Variants in ZNF230 observed in about 807,000 individuals in gnomAD.
The protein encoded by ZNF230 is zinc finger protein 230.
In ZNF230, 12 loss-of-function variants were observed where a neutral mutation model predicts 10.0. The ratio of observed to expected loss-of-function variants is 1.20; its 90% CI spans 0.77 to 1.95. The LOEUF (loss-of-function observed/expected upper bound fraction) is 1.95, where lower values mean the gene tolerates loss of function less well. Ranked by LOEUF, ZNF230 falls within the 30% of genes most tolerant of loss-of-function variation. The pLI, the probability that ZNF230 is intolerant of heterozygous loss-of-function variation, is 0.00. For missense variants in ZNF230, 532 were observed against 565.8 expected (o/e 0.94, Z 0.61); for synonymous variants, 174 against 193.6 (o/e 0.90, Z 0.84).
Position 44,012,326 on chromosome 19 carries a change from AAG to A in ZNF230, c.*865_*866del, listed in dbSNP as rs948449584. ...GTTCACAAAGGGGCAAAACATTAAAAAGAGGCATATGGTAAGCACTTCAGTGT... is the reference window on the plus strand; with the variant it reads ...GTTCACAAAGGGGCAAAACATTAAAAAGGCATATGGTAAGCACTTCAGTGT... On this transcript the variant is annotated 3_prime_UTR_variant, in exon 5 of 5. Transcript: ENST00000429154. The A allele has an allele frequency of 2.0e-6, 1 of 500,960 alleles. No individual in the cohort carries two copies. The highest frequency in any genetic ancestry group is 4.0e-6 in the Non-Finnish European group (1 of 251,650). The allele number at this position is 500,960 out of a possible 1,614,324, so 31.0% of individuals were successfully genotyped here.
chr19:44,009,065 T>G lies in ZNF230; in HGVS notation c.143-19T>G, dbSNP rs1345278451. The G allele has an allele frequency of 1.1e-5, 17 of 1,613,558 alleles. No individual in the cohort carries two copies. The highest frequency in any genetic ancestry group is 1.3e-5 in the African/African-American group (1 of 75,018). On this transcript the variant is annotated intron_variant, in intron 3 of 4. Coordinates refer to ENST00000429154, the MANE Select transcript of ZNF230 (RefSeq NM_006300.4). ...CTAGAATGAATTGGTATTAAGCACA[T>G]GACTTTGCATGTTCACAGGGCATCA...
Position 44,006,999 on chromosome 19 carries a change from G to A in ZNF230, c.-68-12G>A. On this transcript the variant is annotated splice_polypyrimidine_tract_variant and intron_variant, in intron 1 of 4. Transcript: ENST00000429154. ...TTCATGTCTCTCTTTTGCTGTCTCT[G>A]GCATTTTCCAGGCACAATTCCACCT... 8.0e-7 allele frequency: 1 copy of A among 1,256,912 alleles called. No individual in the cohort carries two copies. Among genetic ancestry groups the A allele is most frequent in the Non-Finnish European group, 1.2e-6 (1 of 868,736 alleles). The allele number at this position is 1,256,912 out of a possible 1,614,324, so 77.9% of individuals were successfully genotyped here. A position where few individuals can be genotyped will look rare whatever the true frequency, so the allele number is the denominator to read the frequency against.
In ZNF230 at chr19:44,010,611, T is replaced by C. The variant is rs1568497940; in HGVS notation, c.572T>C (p.Leu191Ser). The C allele has an allele frequency of 6.2e-7, 1 of 1,614,228 alleles. No homozygotes were observed. The highest frequency in any genetic ancestry group is 1.7e-5 in the Admixed American group (1 of 60,028). The change falls in exon 5 of 5, where the codon TTG becomes TCG. Residue 191 changes from leucine (L) to serine (S), a missense_variant. By Grantham distance (145) the Leu-to-Ser change is moderately radical (BLOSUM62 -2). Coordinates refer to ENST00000429154, the MANE Select transcript of ZNF230 (RefSeq NM_006300.4). ...SALRIHQRVH[L>S]REKLSKCDMR... ...CTTCGTATTCACCAGAGAGTTCACT[T>C]GAGAGAGAAACTCTCTAAGTGTGAC... is the stretch of plus-strand genomic sequence containing the variant.
Position 44,006,887 on chromosome 19 carries a change from GCA to G in ZNF230, c.-68-121_-68-120del, listed in dbSNP as rs1336029600. 5.3e-5 allele frequency: 24 copies of G among 450,766 alleles called. No homozygotes were observed. In the East Asian group the frequency reaches 6.5e-4, roughly 12 times the overall value. The allele number at this position is 450,766 out of a possible 1,614,324, so 27.9% of individuals were successfully genotyped here. A position where few individuals can be genotyped will look rare whatever the true frequency, so the allele number is the denominator to read the frequency against. On this transcript the variant is annotated intron_variant, in intron 1 of 4. Transcript: ENST00000429154. ...ACCCAGAGGAAGGCATTTTGGTTGT[GCA>G]CAGTTTTGGGGTTAGTATGAATAAT...
At position 44,009,073 on chromosome 19, in the gene ZNF230, C is replaced by T. The variant is rs768127998; in HGVS notation, c.143-11C>T. 6.2e-7 allele frequency: 1 copy of T among 1,613,606 alleles called. No individual in the cohort carries two copies. Among genetic ancestry groups the T allele is most frequent in the East Asian group, 2.2e-5 (1 of 44,882 alleles). On this transcript the variant is annotated splice_polypyrimidine_tract_variant and intron_variant, in intron 3 of 4. Transcript: ENST00000429154. ...AATTGGTATTAAGCACATGACTTTG[C>T]ATGTTCACAGGGCATCAACCATTCC...
Position 44,009,684 on chromosome 19 carries a change from C to T in ZNF230, c.229+514C>T, listed in dbSNP as rs929043096. On this transcript the variant is annotated intron_variant, in intron 4 of 4. Coordinates refer to ENST00000429154, the MANE Select transcript of ZNF230 (RefSeq NM_006300.4). ...AGGACGGTCTCCCACCCCTCACCCT[C>T]GAAAGGAGTGGCCAGCCACAACCCT... Among the ~76,000 whole-genome samples, 4 of 152,292 alleles carry T rather than the reference C, an allele frequency of 2.6e-5. No homozygotes were observed. The East Asian group carries it at 5.8e-4, about 22-fold the overall frequency.
At chr19:44,007,492 C>T (rs1167628376) in intron 2 of ZNF230, among the ~76,000 whole-genome samples, 1 of 152,132 alleles carries the variant, frequency 6.6e-6, no homozygotes, top group Non-Finnish European at 1.5e-5. Context: ...CATACTTGTC[C>T]ATCAGATAGT....
In ZNF230 at chr19:44,007,047, G is replaced by C. The variant is rs1976130151; in HGVS notation, c.-32G>C. 1.3e-6 allele frequency: 2 copies of C among 1,584,010 alleles called. No individual in the cohort carries two copies. Among genetic ancestry groups the C allele is most frequent in the Non-Finnish European group, 1.7e-6 (2 of 1,153,828 alleles). ...CCTTCCTTTGTGCTCCATTACTCAA[G>C]ACACTGAAGACTCCAAAAAGTAGTA... On this transcript the variant is annotated 5_prime_UTR_variant, in exon 2 of 5. Coordinates refer to ENST00000429154, the MANE Select transcript of ZNF230 (RefSeq NM_006300.4).
Position 44,011,035 on chromosome 19 carries a change from A to G in ZNF230, c.996A>G (p.Gly332=), listed in dbSNP as rs751216648. ...DLHKHQIIHT[G]QKPYNCKECG... Reference sequence around the variant, plus strand: ...ATAAGCATCAGATAATTCACACAGGACAGAAACCGTACAATTGTAAAGAAT... The same window carrying G: ...ATAAGCATCAGATAATTCACACAGGGCAGAAACCGTACAATTGTAAAGAAT... Residue 332 remains glycine, a synonymous_variant, in exon 5 of 5, where the codon GGA becomes GGG. Transcript: ENST00000429154. 1.4e-5 allele frequency: 22 copies of G among 1,614,080 alleles called. No individual in the cohort carries two copies. The highest frequency in any genetic ancestry group is 1.9e-5 in the Non-Finnish European group (22 of 1,180,024).
In ZNF230 at chr19:44,008,866, A is replaced by G. The variant is rs1158279192; in HGVS notation, c.92A>G (p.Lys31Arg). The change falls in exon 3 of 5, where the codon AAG becomes AGG. Residue 31 changes from lysine (K) to arginine (R), a missense_variant. Physicochemically the swap from Lys to Arg is conservative, Grantham distance 26. Transcript: ENST00000429154. ...ELGLLDPAQR[K>R]LYQDVMLENF... ...GGGCTACTGGACCCTGCCCAGAGGA[A>G]GCTGTACCAAGACGTGATGCTTGAG... 3 of 1,614,008 alleles carry G rather than the reference A, an allele frequency of 1.9e-6. No homozygotes were observed. The highest frequency in any genetic ancestry group is 2.5e-6 in the Non-Finnish European group (3 of 1,180,014).
chr19:44,007,847 C>T (rs1051498854), intron 2 of ZNF230, among the ~76,000 whole-genome samples: 2 of 152,250 alleles, frequency 1.3e-5, no homozygotes, highest in Admixed American at 1.3e-4. Context: ...AGTGCTCCCC[C>T]TTTGCCAGTC....
Position 44,013,661 on chromosome 19 carries a change from A to C in ZNF230, c.*2197A>C, listed in dbSNP as rs895779414. The C allele has an allele frequency of 1.3e-5, 2 of 152,242 alleles. No homozygotes were observed. Among genetic ancestry groups the C allele is most frequent in the Non-Finnish European group, 2.9e-5 (2 of 68,044 alleles). 9.4% of individuals were successfully genotyped at this position (152,242 alleles called of 1,614,324 possible). A position where few individuals can be genotyped will look rare whatever the true frequency, so the allele number is the denominator to read the frequency against. On this transcript the variant is annotated 3_prime_UTR_variant, in exon 5 of 5. Transcript: ENST00000429154. ...TGTGAGCTTTGTGAAATCTGACTGT[A>C]ACCTTCATAACATAATCAAATATCT...
Position 44,011,840 on chromosome 19 carries a change from C to G in ZNF230, c.*376C>G, listed in dbSNP as rs188673560. 4 of 201,376 alleles carry G rather than the reference C, an allele frequency of 2.0e-5. No homozygotes were observed. In the Admixed American group the frequency reaches 2.1e-4, roughly 11 times the overall value. The allele number at this position is 201,376 out of a possible 1,614,324, so 12.5% of individuals were successfully genotyped here. On this transcript the variant is annotated 3_prime_UTR_variant, in exon 5 of 5. Transcript: ENST00000429154. ...GTGAGGACAGTTAGTATTTATCTTA[C>G]CTTGCTTAGCTTATATTGTTTAACA... is the stretch of plus-strand genomic sequence containing the variant.
chr19:44,011,417 C>T lies in ZNF230; in HGVS notation c.1378C>T (p.Arg460Cys), dbSNP rs373303938. Residue 460 changes from arginine to cysteine, a missense_variant, in exon 5 of 5, where the codon CGC becomes TGC. Physicochemically the swap from Arg to Cys is radical, Grantham distance 180. Transcript: ENST00000429154. ...GGACTGTGGGAAGCGCTACAAGAGG[C>T]GCTTGAATCTGGATATAATTTTATC... ...CEDCGKRYKR[R>C]LNLDIILSLF... 1.5e-4 allele frequency: 247 copies of T among 1,606,366 alleles called. No individual in the cohort carries two copies. Among genetic ancestry groups the T allele is most frequent in the Admixed American group, 2.1e-4 (12 of 58,342 alleles).
chr19:44,011,377 C>T lies in ZNF230; in HGVS notation c.1338C>T (p.Asn446=). Residue 446 remains asparagine, a synonymous_variant, in exon 5 of 5, where the codon AAC becomes AAT. Coordinates refer to ENST00000429154, the MANE Select transcript of ZNF230 (RefSeq NM_006300.4). The part of the protein sequence containing the change: ...KDQQGDHNGE[N]SSKCEDCGKR... ...AACAAGGAGACCACAATGGAGAAAA[C>T]TCATCCAAATGTGAGGACTGTGGGA... 6.2e-7 allele frequency: 1 copy of T among 1,613,960 alleles called. No individual in the cohort carries two copies. The highest frequency in any genetic ancestry group is 8.5e-7 in the Non-Finnish European group (1 of 1,179,906).
chr19:44,006,854 A>G (rs955622364), intron 1 of ZNF230, 157 bp from the exon 2 acceptor site: 4 of 404,716 alleles, frequency 9.9e-6, no homozygotes, highest in Non-Finnish European at 1.3e-5. Flanking sequence ...TGATTTTTCT[A>G]TCCATTTACC....
intron 4 of ZNF230, 187 bp downstream of exon 4, chr19:44,009,357 G>A: frequency 3.1e-6 from 2 of 638,340 alleles, no homozygotes; most frequent in Non-Finnish European, 5.4e-6. Context: ...CCCCCGAGCA[G>A]CCAAAATGAT....
At position 44,011,478 on chromosome 19, in the gene ZNF230, A is replaced by G. The variant is rs1177773705; in HGVS notation, c.*14A>G. On this transcript the variant is annotated 3_prime_UTR_variant, in exon 5 of 5. Coordinates refer to ENST00000429154, the MANE Select transcript of ZNF230 (RefSeq NM_006300.4). The stretch of plus-strand genomic sequence containing the variant: ...AATGATATGTAAGTTGTACATATAT[A>G]TGGGATATGGTATGAAATTTTAATA... 9.7e-6 allele frequency: 15 copies of G among 1,550,198 alleles called. No individual in the cohort carries two copies. Among genetic ancestry groups the G allele is most frequent in the Non-Finnish European group, 1.2e-5 (14 of 1,147,338 alleles).
At chr19:44,006,672 G>GTATA (rs1568496912) in intron 1 of ZNF230, 1 of 156,726 alleles carries the variant, frequency 6.4e-6, no homozygotes, top group African/African-American at 2.4e-5. Context: ...TTTCCTCTAT[G>GTATA]TATACATTTG....
Sources: allele counts gnomAD v4.1 joint callset (sites outside exome capture counted in the v4.1 genomes callset), GRCh38; gene constraint gnomAD v4.1.1; transcripts MANE v1.5; gene names NCBI Gene and HGNC (gene_info 2026-07-23, HGNC 2026-07-21).